Variants in MROH2A observed in about 807,000 individuals in gnomAD.
MROH2A encodes maestro heat-like repeat-containing protein family member 2A.
In MROH2A, 174 loss-of-function variants were observed where a neutral mutation model predicts 200.4. The ratio of observed to expected loss-of-function variants is 0.87; its 90% CI spans 0.77 to 0.98. The LOEUF is 0.98. Among genes scored for constraint, MROH2A ranks in the 50% least tolerant of loss-of-function variants. The probability of loss-of-function intolerance (pLI) is 0.00; values close to 1 mark genes in which losing one functional copy is unlikely to be tolerated. For missense variants in MROH2A, 2,045 were observed against 2,139.6 expected (o/e 0.96, Z 0.87); for synonymous variants, 829 against 840.4 (o/e 0.99, Z 0.23).
In MROH2A at chr2:233,788,659, C is replaced by T. The variant is rs190071333; in HGVS notation, c.277-838C>T. 4.2e-3 allele frequency among the ~76,000 whole-genome samples: 636 copies of T among 152,032 alleles called. 3 individuals are homozygous for T. Among genetic ancestry groups the T allele is most frequent in the Non-Finnish European group, 6.2e-3 (420 of 67,924 alleles). On this transcript the variant is annotated intron_variant, in intron 3 of 41. Transcript: ENST00000389758. The stretch of plus-strand genomic sequence containing the variant: ...CATTCCTTAAGAGTGGCTTGTCAGC[C>T]GGGCGTGGTGGCTCACGCCTGTAAT...
chr2:233,822,336 C>T, intron 32 of MROH2A, 27 bp from the exon 33 acceptor site: 2 of 1,548,712 alleles, frequency 1.3e-6, no homozygotes, highest in Non-Finnish European at 1.7e-6. Context: ...GGGTAGGAGC[C>T]CGATGCCCTG....
chr2:233,800,330 C>G lies in MROH2A; in HGVS notation c.1560+15C>G, dbSNP rs1702381914. ...GGATGACCACCGTGAGTGGGCCCTGCCCCACCCGCACAGTGGGTCACCACG... is the reference window on the plus strand; with the variant it reads ...GGATGACCACCGTGAGTGGGCCCTGGCCCACCCGCACAGTGGGTCACCACG... On this transcript the variant is annotated intron_variant, in intron 14 of 41. Transcript: ENST00000389758. 2 of 1,482,148 alleles carry G rather than the reference C, an allele frequency of 1.3e-6. No individual in the cohort carries two copies. The highest frequency in any genetic ancestry group is 1.8e-6 in the Non-Finnish European group (2 of 1,091,158). The allele number at this position is 1,482,148 out of a possible 1,614,324, so 91.8% of individuals were successfully genotyped here. A position where few individuals can be genotyped will look rare whatever the true frequency, so the allele number is the denominator to read the frequency against.
chr2:233,797,598 A>T (rs1006828512), intron 11 of MROH2A, among the ~76,000 whole-genome samples: 6 of 152,256 alleles, frequency 3.9e-5, no homozygotes, highest in African/African-American at 1.4e-4. Flanking sequence ...ATCTATGTTC[A>T]TTTATGCATA....
chr2:233,796,973 G>A (rs1015610019), intron 11 of MROH2A, among the ~76,000 whole-genome samples: 9 of 152,314 alleles, frequency 5.9e-5, no homozygotes, highest in African/African-American at 2.2e-4. Flanking sequence ...CCTATTCAAT[G>A]AATAGAGATG....
At chr2:233,817,863 A>G (rs985706063) in intron 27 of MROH2A, 139 bp from the exon 28 acceptor site, 2 of 1,020,660 alleles carry the variant, frequency 2.0e-6, no homozygotes, top group East Asian at 2.7e-5. Context: ...GGGGACAGAC[A>G]GTGGCACCCT....
rs1386283213 is a variant in MROH2A, at chr2:233,807,687, C to T, written c.2173-46C>T. ...CGTGTGTGTGTGGGATCCTCCTCTGCCCACTGGCCCCTGCCCTCACCCTGG... is the reference window on the plus strand; with the variant it reads ...CGTGTGTGTGTGGGATCCTCCTCTGTCCACTGGCCCCTGCCCTCACCCTGG... On this transcript the variant is annotated intron_variant, in intron 20 of 41. Coordinates refer to ENST00000389758, the MANE Select transcript of MROH2A (RefSeq NM_001394639.1). The surrounding 1 kb of genome is among the most constrained non-coding windows in gnomAD (Gnocchi z 4.3). 2.6e-6 allele frequency: 4 copies of T among 1,550,142 alleles called. No homozygotes were observed. In the South Asian group the frequency reaches 3.6e-5, roughly 14 times the overall value.
chr2:233,798,054 T>G (rs1559452368), intron 11 of MROH2A, among the ~76,000 whole-genome samples: 1 of 152,200 alleles, frequency 6.6e-6, no homozygotes, highest in Non-Finnish European at 1.5e-5. Flanking sequence ...TCCTTTTTCC[T>G]ACTCTGGGGT....
intron 30 of MROH2A, 64 bp downstream of exon 30, chr2:233,819,533 G>C: frequency 6.7e-7 from 1 of 1,496,014 alleles, no homozygotes. Context: ...GCCCAGATGA[G>C]AGGGAAGGAC....
intron 8 of MROH2A, 113 bp downstream of exon 8, chr2:233,794,619 T>C: frequency 1.6e-6 from 1 of 639,362 alleles, no homozygotes. Flanking sequence ...TTTGACACTG[T>C]GTCAGGAACC....
intron 5 of MROH2A, among the ~76,000 whole-genome samples, chr2:233,791,547 C>G (rs564032465): frequency 6.6e-6 from 1 of 151,902 alleles, no homozygotes; most frequent in Non-Finnish European, 1.5e-5. Flanking sequence ...GTTCAGAGGG[C>G]AGGTCTGGGC....
In MROH2A at chr2:233,822,485, C is replaced by A. The variant is rs998788116; in HGVS notation, c.3795C>A (p.Ala1265=). ...LQLGSSHRPE[A]APPVLKMWKL... is the part of the protein sequence containing the mutation. ...TTGGAAGCAGCCACCGACCAGAGGC[C>A]GCCCCGCCGGTCTTGAAGATGTGGA... The change falls in exon 33 of 42, where the codon GCC becomes GCA. Residue 1265 remains alanine (A), a synonymous_variant. Coordinates refer to ENST00000389758, the MANE Select transcript of MROH2A (RefSeq NM_001394639.1). The A allele has an allele frequency of 6.4e-7, 1 of 1,550,564 alleles. No homozygotes were observed. The highest frequency in any genetic ancestry group is 2.0e-5 in the Admixed American group (1 of 51,010).
In MROH2A at chr2:233,805,036, G is replaced by C. The variant is rs1477594088; in HGVS notation, c.1977G>C (p.Gly659=). The C allele has an allele frequency of 2.6e-6, 4 of 1,550,294 alleles. No individual in the cohort carries two copies. In the Admixed American group the frequency reaches 7.8e-5, roughly 30 times the overall value. Residue 659 remains glycine, a synonymous_variant, in exon 19 of 42, where the codon GGG becomes GGC. Transcript: ENST00000389758. Reference sequence around the variant, plus strand: ...GAAACTCCCTCAAGAAGACCCGGGGGTCTAGCTGGAGCCTGCGCTTGAGTA... The same window carrying C: ...GAAACTCCCTCAAGAAGACCCGGGGCTCTAGCTGGAGCCTGCGCTTGAGTA... ...FLRNSLKKTR[G]SSWSLRLSKE...
At chr2:233,818,592 AGGGG>A (rs1346422795) in intron 28 of MROH2A, 56 bp from the exon 29 acceptor site, 1 of 1,087,198 alleles carries the variant, frequency 9.2e-7, no homozygotes, top group East Asian at 2.6e-5. Flanking sequence ...GTAGCCACGA[AGGGG>A]GGGTGGCTGG....
At chr2:233,813,850 G>A in intron 25 of MROH2A, 72 bp downstream of exon 25, 3 of 810,938 alleles carry the variant, frequency 3.7e-6, no homozygotes, top group South Asian at 3.3e-5. Flanking sequence ...GCCATGCTGA[G>A]AGTCCACCTT....
chr2:233,775,785 C>T (rs1386586084), upstream of MROH2A: 1 of 152,264 alleles, frequency 6.6e-6, no homozygotes, highest in African/African-American at 2.4e-5. Context: ...GCTGTGTCCC[C>T]ACCCAAATCT....
intron 35 of MROH2A, among the ~76,000 whole-genome samples, chr2:233,825,785 T>C (rs1308481561): frequency 6.6e-6 from 1 of 152,174 alleles, no homozygotes; most frequent in East Asian, 1.9e-4. Flanking sequence ...TTCTTTTTTT[T>C]GTTGTATCTC....
In MROH2A at chr2:233,789,950, C is replaced by T. The variant is rs1701615264; in HGVS notation, c.507C>T (p.Leu169=). Residue 169 remains leucine (L), a synonymous_variant, in exon 5 of 42, where the codon CTC becomes CTT. Transcript: ENST00000389758. The part of the protein sequence containing the change: ...SLVMYELQHH[L]KPLNLTDEFV... The stretch of plus-strand genomic sequence containing the variant: ...TCATGTACGAGCTGCAGCACCACCT[C>T]AAGCCCCTCAACCTCACTGATGAAT... 7 of 1,550,428 alleles carry T rather than the reference C, an allele frequency of 4.5e-6. No individual in the cohort carries two copies. The highest frequency in any genetic ancestry group is 3.9e-5 in the Admixed American group (2 of 50,980).
Position 233,796,031 on chromosome 2 carries a change from G to A in MROH2A, c.1124G>A (p.Cys375Tyr). The change falls in exon 10 of 42, where the codon TGC becomes TAC. Residue 375 changes from cysteine to tyrosine, a missense_variant. Around this residue, in one of 3 missense-constraint regions of MROH2A, gnomAD observed 831 missense variants for 800.0 expected, o/e 1.04. Transcript: ENST00000389758. ...CAGAATCTGATGGAGATGGTGCACT[G>A]CTTCGTAGCCCTTGGTGAGGCTCTG... Reference protein sequence around the residue: ...SSQNLMEMVHCFVALARSYPK... With the variant: ...SSQNLMEMVHYFVALARSYPK... The A allele has an allele frequency of 6.4e-7, 1 of 1,550,570 alleles. No individual in the cohort carries two copies. The highest frequency in any genetic ancestry group is 8.7e-7 in the Non-Finnish European group (1 of 1,146,946).
rs1391667189 is a variant in MROH2A, at chr2:233,795,964, C to T, written c.1060-3C>T. On this transcript the variant is annotated splice_polypyrimidine_tract_variant and splice_region_variant and intron_variant, in intron 9 of 41. Coordinates refer to ENST00000389758, the MANE Select transcript of MROH2A (RefSeq NM_001394639.1). ...TCCAGCCTCACTGCACGTCCCTCAC[C>T]AGGTGTGCAACAAGGCCCCGGCCCA... 6.4e-7 allele frequency: 1 copy of T among 1,550,446 alleles called. No individual in the cohort carries two copies. The highest frequency in any genetic ancestry group is 8.7e-7 in the Non-Finnish European group (1 of 1,146,902).
Sources: allele counts gnomAD v4.1 joint callset (sites outside exome capture counted in the v4.1 genomes callset), GRCh38; gene constraint gnomAD v4.1.1; regional missense constraint gnomAD v4.1.1; non-coding constraint Gnocchi (gnomAD v3.1); transcripts MANE v1.5; gene names NCBI Gene and HGNC (gene_info 2026-07-23, HGNC 2026-07-21).